CDH17: variants seen among roughly 807,000 people sequenced by gnomAD.
CDH17 encodes cadherin 17.
Under a neutral mutation model 86.3 loss-of-function variants are expected in CDH17, and 67 were observed. That is an observed-to-expected ratio of 0.78 (90% CI 0.64 to 0.95). The LOEUF (loss-of-function observed/expected upper bound fraction) is 0.95, where lower values mean the gene tolerates loss of function less well. CDH17 is among the 40% of genes least tolerant of loss of function. The probability of loss-of-function intolerance (pLI) is 0.00; values close to 1 mark genes in which losing one functional copy is unlikely to be tolerated. For missense variants in CDH17, 993 were observed against 1,017.6 expected (o/e 0.98, Z 0.33); for synonymous variants, 367 against 366.4 (o/e 1.00, Z -0.02).
intron 1 of CDH17, among the ~76,000 whole-genome samples, chr8:94,215,979 A>T (rs1586040502): frequency 6.6e-6 from 1 of 152,080 alleles, no homozygotes; most frequent in East Asian, 1.9e-4. Flanking sequence ...CCCTGGATAA[A>T]GTAGAAAATG....
intron 1 of CDH17, among the ~76,000 whole-genome samples, chr8:94,201,628 T>C (rs1455640669): frequency 6.6e-6 from 1 of 152,216 alleles, no homozygotes; most frequent in Non-Finnish European, 1.5e-5. Flanking sequence ...AGAACTGAGA[T>C]GGTAAATATC....
At chr8:94,130,451 G>C (rs1249242926) in intron 17 of CDH17, among the ~76,000 whole-genome samples, 175 bp downstream of exon 17, 1 of 152,336 alleles carries the variant, frequency 6.6e-6, no homozygotes, top group Admixed American at 6.5e-5. Flanking sequence ...TAGTACTAAA[G>C]CTGTAACTCC....
Position 94,170,948 on chromosome 8 carries a change from A to T in CDH17, c.821T>A (p.Val274Asp), listed in dbSNP as rs143655105. Residue 274 changes from valine (V) to aspartate (D), a missense_variant, in exon 8 of 18, where the codon GTT becomes GAT. By Grantham distance (152) the Val-to-Asp change is radical (BLOSUM62 -3). Transcript: ENST00000027335. Reference sequence around the variant, plus strand: ...GAATCTTGGCAGCTTCTCTTTGTCAACTAAGGAATATTGTGCACCGGGATC... The same window carrying T: ...GAATCTTGGCAGCTTCTCTTTGTCATCTAAGGAATATTGTGCACCGGGATC... ...WNDPGAQYSLVDKEKLPRFPF... is the reference protein window; with the variant it reads ...WNDPGAQYSLDDKEKLPRFPF... 5 of 1,613,790 alleles carry T rather than the reference A, an allele frequency of 3.1e-6. No homozygotes were observed. Among genetic ancestry groups the T allele is most frequent in the Non-Finnish European group, 4.2e-6 (5 of 1,179,812 alleles).
intron 1 of CDH17, among the ~76,000 whole-genome samples, chr8:94,206,168 A>G (rs1432772161): frequency 6.7e-6 from 1 of 149,476 alleles, no homozygotes; most frequent in Non-Finnish European, 1.5e-5. Flanking sequence ...GCTTAAGTGA[A>G]AAAAAAAAAT....
Position 94,162,163 on chromosome 8 carries a change from C to T in CDH17, c.1283-1G>A, listed in dbSNP as rs1389649078. The T allele has an allele frequency of 6.3e-7, 1 of 1,591,960 alleles. No individual in the cohort carries two copies. Among genetic ancestry groups the T allele is most frequent in the Non-Finnish European group, 8.6e-7 (1 of 1,160,536 alleles). On this transcript the variant is annotated splice_acceptor_variant, in intron 10 of 17. Transcript: ENST00000027335. LOFTEE classifies it high-confidence loss of function. The stretch of plus-strand genomic sequence containing the variant: ...TGCACAAAACAAAGGGTCTTGAAAT[C>T]TGAAAACCAAAGTCATATGTCATAG...
chr8:94,182,676 T>C (rs1371388187), intron 3 of CDH17, among the ~76,000 whole-genome samples: 1 of 152,074 alleles, frequency 6.6e-6, no homozygotes, highest in Non-Finnish European at 1.5e-5. Flanking sequence ...GGTGAAAGAC[T>C]GAAAGCTTTC....
At chr8:94,199,479 C>T (rs1190633162) in intron 1 of CDH17, among the ~76,000 whole-genome samples, 1 of 147,030 alleles carries the variant, frequency 6.8e-6, no homozygotes, top group African/African-American at 2.5e-5. Flanking sequence ...TTTTTTAACA[C>T]CTTCAGTCTT....
At chr8:94,152,176 C>A in intron 12 of CDH17, 64 bp from the exon 13 acceptor site, 1 of 1,559,984 alleles carries the variant, frequency 6.4e-7, no homozygotes, top group South Asian at 1.2e-5. Context: ...GATTCATTCC[C>A]TATCCTTCTT....
At chr8:94,181,149 A>T (rs1170333166) in intron 3 of CDH17, among the ~76,000 whole-genome samples, 1 of 152,194 alleles carries the variant, frequency 6.6e-6, no homozygotes, top group Admixed American at 6.5e-5. Context: ...CATAGCAATT[A>T]TAAACATATA....
Position 94,145,983 on chromosome 8 carries a change from T to C in CDH17, c.2112A>G (p.Thr704=). 1 of 1,613,700 alleles carries C rather than the reference T, an allele frequency of 6.2e-7. No homozygotes were observed. ...DQHLFRGPHF[T]FSLGSGSLQN... is the part of the protein sequence containing the mutation. ...GTAAGCTTCCACTGCCGAGGGAAAA[T>C]GTAAAATGGGGACCCCGAAATAAGT... Residue 704 remains threonine (T), a synonymous_variant, in exon 15 of 18, where the codon ACA becomes ACG. Coordinates refer to ENST00000027335, the MANE Select transcript of CDH17 (RefSeq NM_004063.4).
intron 15 of CDH17, among the ~76,000 whole-genome samples, chr8:94,144,245 G>A (rs190457511): frequency 3.5e-4 from 54 of 152,242 alleles, no homozygotes; most frequent in East Asian, 1.7e-3. Context: ...CGTCGACGTC[G>A]CACTGACAGA....
chr8:94,186,448 A>T (rs1391614954), intron 3 of CDH17, among the ~76,000 whole-genome samples: 1 of 152,180 alleles, frequency 6.6e-6, no homozygotes, highest in Non-Finnish European at 1.5e-5. Context: ...CCCACTCCTC[A>T]CAGACTGCAC....
intron 1 of CDH17, among the ~76,000 whole-genome samples, chr8:94,199,439 T>A (rs1724001083): frequency 6.6e-6 from 1 of 150,988 alleles, no homozygotes; most frequent in African/African-American, 2.4e-5. Context: ...CTGGTCGAAC[T>A]AGATCATCTC....
At chr8:94,208,972 C>T (rs1481413641), upstream of CDH17, among the ~76,000 whole-genome samples, 3 of 152,132 alleles carry the variant, frequency 2.0e-5, no homozygotes, top group African/African-American at 7.2e-5. Context: ...GCAGGGGCGC[C>T]ATGTCTGAGC....
In CDH17 at chr8:94,139,906, A is replaced by AT. The variant is rs901682110; in HGVS notation, c.2167+6021_2167+6022insA. Among the ~76,000 whole-genome samples the AT allele has an allele frequency of 3.3e-5, 5 of 151,816 alleles. No homozygotes were observed. The South Asian group carries it at 6.2e-4, about 19-fold the overall frequency. On this transcript the variant is annotated intron_variant, in intron 15 of 17. Transcript: ENST00000027335. ...TCTCCAAAAAATAAAAAATAAATAAAAAAAAAGGGGGGGTGGTGAAATACC... is the reference window on the plus strand; with the variant it reads ...TCTCCAAAAAATAAAAAATAAATAAATAAAAAAGGGGGGGTGGTGAAATACC...
At chr8:94,205,567 G>C (rs1029449258) in intron 1 of CDH17, among the ~76,000 whole-genome samples, 2 of 152,132 alleles carry the variant, frequency 1.3e-5, no homozygotes, top group Non-Finnish European at 1.5e-5. Flanking sequence ...AAGTATGGCA[G>C]GTTCACTTTC....
chr8:94,177,664 A>G lies in CDH17; in HGVS notation c.208T>C (p.Phe70Leu). 3.7e-6 allele frequency: 6 copies of G among 1,613,796 alleles called. No homozygotes were observed. The highest frequency in any genetic ancestry group is 5.1e-6 in the Non-Finnish European group (6 of 1,179,768). The change falls in exon 4 of 18, where the codon TTT becomes CTT. Residue 70 changes from phenylalanine to leucine, a missense_variant. Phe to Leu is a conservative substitution (Grantham distance 22). Transcript: ENST00000027335. ...AGAAGTCCCTCCCGTTCTATCACAA[A>G]TATGTTGTCTGTCTCCCCAGTTAGT... is the stretch of plus-strand genomic sequence containing the variant. Reference protein sequence around the residue: ...FELTGETDNIFVIEREGLLYY... With the variant: ...FELTGETDNILVIEREGLLYY...
intron 12 of CDH17, among the ~76,000 whole-genome samples, chr8:94,159,492 TC>T (rs1186503661): frequency 6.6e-6 from 1 of 152,134 alleles, no homozygotes; most frequent in African/African-American, 2.4e-5. Context: ...CATGGGGTCA[TC>T]CAACCCAACT....
intron 3 of CDH17, among the ~76,000 whole-genome samples, chr8:94,185,276 TAC>T (rs71277462): frequency 0.041 from 5,529 of 136,496 alleles, 246 homozygotes; most frequent in African/African-American, 0.11. Context: ...CCTACCCCAA[TAC>T]ACACACACAC....
Sources: allele counts gnomAD v4.1 joint callset (sites outside exome capture counted in the v4.1 genomes callset), GRCh38; gene constraint gnomAD v4.1.1; transcripts MANE v1.5; gene names NCBI Gene and HGNC (gene_info 2026-07-23, HGNC 2026-07-21).